LDLRAD4: variants seen among roughly 807,000 people sequenced by gnomAD.
LDLRAD4 encodes the protein low-density lipoprotein receptor class A domain-containing protein 4.
In LDLRAD4, 5 loss-of-function variants were observed where a neutral mutation model predicts 17.0. That is an observed-to-expected ratio of 0.29 (90% CI 0.15 to 0.62). The LOEUF (loss-of-function observed/expected upper bound fraction) is 0.62. Among genes scored for constraint, LDLRAD4 ranks in the 20% least tolerant of loss-of-function variants. The pLI, the probability that LDLRAD4 is intolerant of heterozygous loss-of-function variation, is 0.84. For synonymous variants in LDLRAD4, 168 were observed against 171.8 expected (o/e 0.98, Z 0.17); for missense variants, 340 against 424.7 (o/e 0.80, Z 1.75).
At chr18:13,511,800 G>A (rs150575834) in intron 3 of LDLRAD4, among the ~76,000 whole-genome samples, 59 of 152,240 alleles carry the variant, frequency 3.9e-4, no homozygotes, top group African/African-American at 1.4e-3. Flanking sequence ...TGGCTCTCAG[G>A]AATAAAAATC....
Position 13,642,414 on chromosome 18 carries a change from G to A in LDLRAD4, c.337-945G>A, listed in dbSNP as rs74775786. On this transcript the variant is annotated intron_variant, in intron 4 of 5. Coordinates refer to ENST00000359446, the Ensembl canonical transcript of LDLRAD4. ...CCACGCGTACTTTTTTTCCCAGCACGCGTGGGGCCTTGGAAAGAACCTTTA... is the reference window on the plus strand; with the variant it reads ...CCACGCGTACTTTTTTTCCCAGCACACGTGGGGCCTTGGAAAGAACCTTTA... 4.9e-4 allele frequency: 556 copies of A among 1,125,680 alleles called. 7 individuals are homozygous for A. The East Asian group carries it at 0.021, about 42-fold the overall frequency. The allele number at this position is 1,125,680 out of a possible 1,614,324, so 69.7% of individuals were successfully genotyped here. A position where few individuals can be genotyped will look rare whatever the true frequency, so the allele number is the denominator to read the frequency against.
chr18:13,442,239 A>C (rs2091069941), intron 3 of LDLRAD4, among the ~76,000 whole-genome samples: 2 of 152,206 alleles, frequency 1.3e-5, no homozygotes, highest in Admixed American at 1.3e-4. Context: ...CCTGCTATCA[A>C]GGTGCTGAGA....
At position 13,621,031 on chromosome 18, in the gene LDLRAD4, C is replaced by G; in HGVS notation, c.182-86C>G. 1 of 1,598,734 alleles carries G rather than the reference C, an allele frequency of 6.3e-7. No individual in the cohort carries two copies. The highest frequency in any genetic ancestry group is 1.1e-5 in the South Asian group (1 of 89,588). On this transcript the variant is annotated intron_variant, in intron 3 of 5. Coordinates refer to ENST00000359446, the Ensembl canonical transcript of LDLRAD4. The surrounding 1 kb of genome is among the most constrained non-coding windows in gnomAD (Gnocchi z 5.5). ...GACGTGTGTGAGAGGCCTTCAGGGC[C>G]TGATGGCTGGGGTGGTGACAGTGCC...
At chr18:13,349,936 A>G (rs1221952226) in intron 1 of LDLRAD4, among the ~76,000 whole-genome samples, 1 of 152,132 alleles carries the variant, frequency 6.6e-6, no homozygotes, top group Non-Finnish European at 1.5e-5. Context: ...TTCAAGCTTC[A>G]TCCATATCCC....
At chr18:13,353,746 G>C (rs2083177126) in intron 1 of LDLRAD4, among the ~76,000 whole-genome samples, 1 of 152,174 alleles carries the variant, frequency 6.6e-6, no homozygotes, top group African/African-American at 2.4e-5. Context: ...GCCTCCTCCA[G>C]CCCAAGGCTA....
chr18:13,499,520 G>A (rs55787036), intron 3 of LDLRAD4, among the ~76,000 whole-genome samples: 23,470 of 141,168 alleles, frequency 0.17, 1,432 homozygotes, highest in Middle Eastern at 0.33. Context: ...CACACGTCCC[G>A]CCGTGGACAC....
chr18:13,383,305 G>A (rs1382349923), intron 1 of LDLRAD4, among the ~76,000 whole-genome samples: 1 of 152,250 alleles, frequency 6.6e-6, no homozygotes, highest in Admixed American at 6.5e-5. Context: ...GCTGGCCACT[G>A]CCTTTGCTCT....
At chr18:13,348,991 G>C (rs1451955837) in intron 1 of LDLRAD4, among the ~76,000 whole-genome samples, 2 of 152,150 alleles carry the variant, frequency 1.3e-5, no homozygotes, top group Non-Finnish European at 2.9e-5. Context: ...CCTTGACTAG[G>C]AAAGGGAATT....
rs376095040 is a variant in LDLRAD4 at position 13,621,280 on chromosome 18, C to A, written c.336+9C>A. 8 of 1,606,104 alleles carry A rather than the reference C, an allele frequency of 5.0e-6. No homozygotes were observed. In the African/African-American group the frequency reaches 1.1e-4, roughly 21 times the overall value. ...AGGACGGGCTGCCGCAGGTGAGTAC[C>A]CTGGCCGCCCCGGCTCCAGAGTCAG... On this transcript the variant is annotated intron_variant, in intron 4 of 5. Transcript: ENST00000359446. The surrounding 1 kb of genome is among the most constrained non-coding windows in gnomAD (Gnocchi z 5.5).
chr18:13,514,891 C>G (rs1259110470), intron 3 of LDLRAD4: 1 of 152,200 alleles, frequency 6.6e-6, no homozygotes, highest in Non-Finnish European at 1.5e-5. Flanking sequence ...TGTAGGTGAG[C>G]AAGCCATTGA....
chr18:13,584,881 C>T (rs865775100), intron 3 of LDLRAD4, among the ~76,000 whole-genome samples: 16 of 152,186 alleles, frequency 1.1e-4, no homozygotes, highest in Admixed American at 8.5e-4. Flanking sequence ...CTTGTCCAGG[C>T]TCCAGGCTTC....
At chr18:13,460,656 A>G (rs2092383945) in intron 3 of LDLRAD4, among the ~76,000 whole-genome samples, 2 of 152,228 alleles carry the variant, frequency 1.3e-5, no homozygotes, top group South Asian at 2.1e-4. Context: ...AAAAAGGACA[A>G]TTAGTGATGA....
chr18:13,541,324 A>G (rs1444336538), intron 3 of LDLRAD4, among the ~76,000 whole-genome samples: 1 of 152,256 alleles, frequency 6.6e-6, no homozygotes, highest in African/African-American at 2.4e-5. Context: ...TTGGACTGAC[A>G]TTAACCAGTG....
At chr18:13,421,819 G>T (rs924749802) in intron 2 of LDLRAD4, among the ~76,000 whole-genome samples, 1 of 152,204 alleles carries the variant, frequency 6.6e-6, no homozygotes, top group African/African-American at 2.4e-5. Flanking sequence ...AGGAAAAAAC[G>T]TGCCCTTCAG....
At chr18:13,241,997 C>T (rs921317133) in intron 1 of LDLRAD4, 3 of 152,262 alleles carry the variant, frequency 2.0e-5, no homozygotes, top group South Asian at 2.1e-4. Context: ...CAGTGTCCGT[C>T]GGGGTGTGTG....
At chr18:13,258,455 C>G (rs1191605868) in intron 1 of LDLRAD4, among the ~76,000 whole-genome samples, 1 of 151,938 alleles carries the variant, frequency 6.6e-6, no homozygotes, top group Non-Finnish European at 1.5e-5. Flanking sequence ...TGAGATGCCT[C>G]TATTTGAATA....
chr18:13,544,440 C>T (rs1366478225), intron 3 of LDLRAD4, among the ~76,000 whole-genome samples: 2 of 152,264 alleles, frequency 1.3e-5, no homozygotes, highest in Admixed American at 6.5e-5. Flanking sequence ...CAGTTACAGA[C>T]CCAGAAAGAA....
chr18:13,361,918 T>C lies in LDLRAD4; in HGVS notation c.-382-25423T>C, dbSNP rs565825034. Among the ~76,000 whole-genome samples, 4 of 152,188 alleles carry C rather than the reference T, an allele frequency of 2.6e-5. No individual in the cohort carries two copies. The East Asian group carries it at 7.7e-4, about 29-fold the overall frequency. On this transcript the variant is annotated intron_variant, in intron 1 of 5. Coordinates refer to ENST00000359446, the Ensembl canonical transcript of LDLRAD4. The stretch of plus-strand genomic sequence containing the variant: ...ACACAGAAGGCAAGTCTTGACTGCA[T>C]GAAGGTTTAATAGGAGCGTACTTGA...
intron 3 of LDLRAD4, among the ~76,000 whole-genome samples, chr18:13,571,038 TC>T (rs1329168152): frequency 6.6e-6 from 1 of 152,162 alleles, no homozygotes; most frequent in Non-Finnish European, 1.5e-5. Context: ...CAGGCTGGCC[TC>T]AAACTCCTGG....
Sources: allele counts gnomAD v4.1 joint callset (sites outside exome capture counted in the v4.1 genomes callset), GRCh38; gene constraint gnomAD v4.1.1; non-coding constraint Gnocchi (gnomAD v3.1); transcripts MANE v1.5; gene names NCBI Gene and HGNC (gene_info 2026-07-23, HGNC 2026-07-21).